The following AP2A1 variants were observed in gnomAD, a reference collection of about 807,000 sequenced individuals.
AP2A1 encodes the protein adaptor related protein complex 2 subunit alpha 1.
A neutral mutation model predicts 107.3 loss-of-function variants in AP2A1; 21 were observed. That is an observed-to-expected ratio of 0.20 (90% CI 0.14 to 0.28). The LOEUF (loss-of-function observed/expected upper bound fraction) is 0.28. Ranked by LOEUF, AP2A1 falls within the 10% of genes least tolerant of loss-of-function variation. The pLI, the probability that AP2A1 is intolerant of heterozygous loss-of-function variation, is 1.00. For missense variants in AP2A1, 873 were observed against 1,307.7 expected (o/e 0.67, Z 5.13); for synonymous variants, 602 against 564.8 (o/e 1.07, Z -0.93).
intron 1 of AP2A1, among the ~76,000 whole-genome samples, chr19:49,768,116 T>G (rs1190079887): frequency 2.0e-5 from 3 of 151,648 alleles, no homozygotes; most frequent in Non-Finnish European, 4.4e-5. Context: ...ATAGGGGAAG[T>G]CTAATCCCAG....
rs1371911761 is a variant in AP2A1 at position 49,802,010 on chromosome 19, G to A, written c.1983G>A (p.Leu661=). The A allele has an allele frequency of 3.2e-6, 5 of 1,550,230 alleles. No homozygotes were observed. The highest frequency in any genetic ancestry group is 4.3e-6 in the Non-Finnish European group (5 of 1,153,528). The stretch of plus-strand genomic sequence containing the variant: ...CGCCCTCGCCCTCCGCCGACCTCCT[G>A]GGGCTGCGGGCAGCCCCTCCCCCGG... ...VSTPSPSADL[L]GLRAAPPPAA... Residue 661 remains leucine (L), a synonymous_variant, in exon 15 of 23, where the codon CTG becomes CTA. Transcript: ENST00000354293.
chr19:49,778,643 TA>T (rs2084641467), intron 1 of AP2A1, among the ~76,000 whole-genome samples: 2 of 152,000 alleles, frequency 1.3e-5, no homozygotes, highest in Non-Finnish European at 2.9e-5. Flanking sequence ...CGTGACTCAG[TA>T]AGTATTTGTG....
intron 4 of AP2A1, among the ~76,000 whole-genome samples, chr19:49,783,668 T>C (rs1043507294): frequency 1.1e-4 from 17 of 152,338 alleles, no homozygotes; most frequent in Admixed American, 9.8e-4. Flanking sequence ...ATGAGCCGCG[T>C]GCTGGAGCCA....
chr19:49,791,771 G>C, intron 4 of AP2A1, 164 bp from the exon 5 acceptor site: 1 of 760,632 alleles, frequency 1.3e-6, no homozygotes, highest in Non-Finnish European at 2.1e-6. Context: ...CTGAGTCCTG[G>C]TGGGCCGTGA....
intron 1 of AP2A1, among the ~76,000 whole-genome samples, chr19:49,767,476 G>A (rs946988899): frequency 6.6e-6 from 1 of 152,054 alleles, no homozygotes; most frequent in African/African-American, 2.4e-5. Context: ...TGGGAGCATA[G>A]AGGTGTCCCC....
chr19:49,800,282 G>C (rs2073261538), intron 11 of AP2A1, 132 bp downstream of exon 11: 7 of 1,158,400 alleles, frequency 6.0e-6, no homozygotes, highest in Non-Finnish European at 7.2e-6. Flanking sequence ...CTCAAAATGG[G>C]GCCTCTGCCT....
Position 49,803,320 on chromosome 19 carries a change from C to G in AP2A1, c.2288C>G (p.Ser763Trp). Residue 763 changes from serine (S) to tryptophan (W), a missense_variant, in exon 18 of 23, where the codon TCG becomes TGG. Physicochemically the swap from Ser to Trp is radical, Grantham distance 177. Transcript: ENST00000354293. ...TATCTCTTCTATGGCAACAAGACCT[C>G]GGTGCAGTTCCAGAATTTCTCACCC... is the stretch of plus-strand genomic sequence containing the variant. ...RMYLFYGNKT[S>W]VQFQNFSPTV... 6.2e-7 allele frequency: 1 copy of G among 1,613,924 alleles called. No homozygotes were observed. The highest frequency in any genetic ancestry group is 1.1e-5 in the South Asian group (1 of 91,080).
intron 18 of AP2A1, chr19:49,805,089 G>A (rs1449616949): frequency 4.8e-6 from 1 of 207,986 alleles, no homozygotes; most frequent in African/African-American, 2.3e-5. Flanking sequence ...TTGTAGAGAT[G>A]GGGTCTTGCC....
In AP2A1 at chr19:49,801,619, C is replaced by T; in HGVS notation, c.1783C>T (p.Leu595=). Residue 595 remains leucine, a splice_region_variant and synonymous_variant, in exon 13 of 23, where the codon CTG becomes TTG. Coordinates refer to ENST00000354293, the MANE Select transcript of AP2A1 (RefSeq NM_130787.3). ...TLSSVASTDV[L]ATVLEEMPPF... ...CAGCTCAGTGGCCAGCACCGACGTC[C>T]TGGTCAGAGCCCTGTCCCCCCACCC... 5 of 1,608,016 alleles carry T rather than the reference C, an allele frequency of 3.1e-6. No homozygotes were observed. The highest frequency in any genetic ancestry group is 4.2e-6 in the Non-Finnish European group (5 of 1,177,004).
At chr19:49,800,553 C>T (rs759818496) in intron 11 of AP2A1, 8 of 261,304 alleles carry the variant, frequency 3.1e-5, no homozygotes, top group Middle Eastern at 1.2e-3. Flanking sequence ...ACTGCAACCT[C>T]GGCCTCCCAG....
chr19:49,773,076 C>T (rs1429469370), intron 1 of AP2A1, among the ~76,000 whole-genome samples: 1 of 151,796 alleles, frequency 6.6e-6, no homozygotes, highest in Non-Finnish European at 1.5e-5. Flanking sequence ...CTGAAGGGCA[C>T]AGTGGGGCTA....
chr19:49,783,356 T>C (rs934739178), intron 4 of AP2A1, among the ~76,000 whole-genome samples: 9 of 152,094 alleles, frequency 5.9e-5, no homozygotes, highest in African/African-American at 2.2e-4. Context: ...CAGGGCATGG[T>C]GGCGTGCACC....
chr19:49,800,717 C>G lies in AP2A1; in HGVS notation c.1456-244C>G, dbSNP rs922066029. On this transcript the variant is annotated intron_variant, in intron 11 of 22. Coordinates refer to ENST00000354293, the MANE Select transcript of AP2A1 (RefSeq NM_130787.3). The stretch of plus-strand genomic sequence containing the variant: ...AACTCCTGAGCTCAGGCAATCTGCC[C>G]GCCTCGGCCTCCCAAAGTACCAGGA... 5 of 415,728 alleles carry G rather than the reference C, an allele frequency of 1.2e-5. No individual in the cohort carries two copies. The East Asian group carries it at 2.5e-4, about 21-fold the overall frequency. The allele number at this position is 415,728 out of a possible 1,614,324, so 25.8% of individuals were successfully genotyped here.
At chr19:49,769,416 G>A (rs573937818) in intron 1 of AP2A1, among the ~76,000 whole-genome samples, 124 of 152,310 alleles carry the variant, frequency 8.1e-4, no homozygotes, top group African/African-American at 2.8e-3. Context: ...CTAGGATGGA[G>A]AGGGTACTCA....
chr19:49,783,717 C>A (rs982037868), intron 4 of AP2A1, among the ~76,000 whole-genome samples: 1 of 152,156 alleles, frequency 6.6e-6, no homozygotes, highest in African/African-American at 2.4e-5. Context: ...TGGGTGAACC[C>A]GAGTATCGGT....
Position 49,799,504 on chromosome 19 carries a change from C to A in AP2A1, c.1134+9C>A, listed in dbSNP as rs1475220859. On this transcript the variant is annotated intron_variant, in intron 9 of 22. Transcript: ENST00000354293. ...TCATCAATGCCCTCAAGGTGTGAGC[C>A]CTTGGAGCCCACCCCGGGCCTGCCA... 2 of 1,609,876 alleles carry A rather than the reference C, an allele frequency of 1.2e-6. No homozygotes were observed. Among genetic ancestry groups the A allele is most frequent in the East Asian group, 4.5e-5 (2 of 44,834 alleles).
chr19:49,791,726 G>T, intron 4 of AP2A1: 1 of 573,352 alleles, frequency 1.7e-6, no homozygotes, highest in Admixed American at 3.0e-5. Context: ...GCCCTGTGAG[G>T]TTACTGAGAT....
At chr19:49,795,174 A>T (rs2073196541) in intron 6 of AP2A1, among the ~76,000 whole-genome samples, 1 of 152,166 alleles carries the variant, frequency 6.6e-6, no homozygotes, top group African/African-American at 2.4e-5. Context: ...GGAGGCTCAG[A>T]GCCGAGTGAG....
At chr19:49,772,255 T>TTTTTTTTG (rs1555791297) in intron 1 of AP2A1, among the ~76,000 whole-genome samples, 23 of 117,204 alleles carry the variant, frequency 2.0e-4, no homozygotes, top group Non-Finnish European at 2.8e-4. Flanking sequence ...AGTTTTTTTT[T>TTTTTTTTG]TTTTTTTTTT....
Sources: gnomAD v4.1 joint callset for allele counts (sites outside exome capture counted in the v4.1 genomes callset) on GRCh38, gnomAD v4.1.1 for gene constraint, MANE v1.5 for transcripts, NCBI Gene and HGNC (gene_info 2026-07-23, HGNC 2026-07-21) for gene names.